The following MAN2B2 variants were observed in gnomAD, a reference collection of about 807,000 sequenced individuals.
The protein encoded by MAN2B2 is epididymis-specific alpha-mannosidase.
MAN2B2 carries 106 observed loss-of-function variants against 117.1 expected under a neutral mutation model. The observed-to-expected ratio is 0.90, with a 90% CI of 0.77 to 1.06. The LOEUF (loss-of-function observed/expected upper bound fraction) is 1.06, where lower values mean the gene tolerates loss of function less well. Ranked by LOEUF, MAN2B2 falls within the 50% of genes least tolerant of loss-of-function variation. The pLI is 0.00. For missense variants in MAN2B2, 1,326 were observed against 1,381.4 expected (o/e 0.96, Z 0.64); for synonymous variants, 544 against 595.1 (o/e 0.91, Z 1.25).
intron 13 of MAN2B2, among the ~76,000 whole-genome samples, chr4:6,610,344 A>C (rs949928148): frequency 2.0e-5 from 3 of 151,998 alleles, no homozygotes; most frequent in Non-Finnish European, 2.9e-5. Context: ...TTTAGTAGAG[A>C]TGGGGTTTCA....
At chr4:6,587,235 AC>A in intron 4 of MAN2B2, 67 bp downstream of exon 4, 1 of 1,561,654 alleles carries the variant, frequency 6.4e-7, no homozygotes, top group Non-Finnish European at 8.7e-7. Flanking sequence ...GAATCAGAGC[AC>A]GGTAGAAAGC....
intron 18 of MAN2B2, chr4:6,620,782 C>G (rs774805527): frequency 4.0e-5 from 7 of 174,894 alleles, no homozygotes; most frequent in Non-Finnish European, 7.2e-5. Context: ...AAGCCCAACC[C>G]CAGGGCATGC....
At chr4:6,600,381 C>T (rs539948074) in intron 9 of MAN2B2, among the ~76,000 whole-genome samples, 3 of 152,320 alleles carry the variant, frequency 2.0e-5, no homozygotes, top group East Asian at 1.9e-4. Flanking sequence ...CAGGGCGACA[C>T]GGACACCTTA....
Position 6,593,192 on chromosome 4 carries a change from G to A in MAN2B2, c.700G>A (p.Gly234Ser). The part of the protein sequence containing the change: ...FSNRSGFYWN[G>S]VAVFPKPPQD... Reference sequence around the variant, plus strand: ...GCACAGGTCAGGATTTTACTGGAATGGCGTGGCTGTCTTCCCCAAGCCTCC... The same window carrying A: ...GCACAGGTCAGGATTTTACTGGAATAGCGTGGCTGTCTTCCCCAAGCCTCC... The change falls in exon 6 of 19, where the codon GGC (glycine) becomes AGC (serine). Residue 234 changes from glycine to serine, a missense_variant. Physicochemically the swap from Gly to Ser is moderately conservative, Grantham distance 56. Coordinates refer to ENST00000285599, the MANE Select transcript of MAN2B2 (RefSeq NM_015274.3). The A allele has an allele frequency of 6.2e-7, 1 of 1,613,842 alleles. No homozygotes were observed. The highest frequency in any genetic ancestry group is 2.2e-5 in the East Asian group (1 of 44,856).
Position 6,598,235 on chromosome 4 carries a change from C to T in MAN2B2, c.1286C>T (p.Pro429Leu). 3 of 1,613,750 alleles carry T rather than the reference C, an allele frequency of 1.9e-6. No homozygotes were observed. Among genetic ancestry groups the T allele is most frequent in the Non-Finnish European group, 2.5e-6 (3 of 1,180,026 alleles). The stretch of plus-strand genomic sequence containing the variant: ...GATGCCATCACTGGGACTGAGTCCC[C>T]CAAGGTGAGAGACATGTACGCAACG... The part of the protein sequence containing the change: ...HHDAITGTES[P>L]KVRDMYATHL... The change falls in exon 9 of 19, where the codon CCC (proline) becomes CTC (leucine). Residue 429 changes from proline to leucine, a missense_variant. Coordinates refer to ENST00000285599, the MANE Select transcript of MAN2B2 (RefSeq NM_015274.3).
intron 4 of MAN2B2, among the ~76,000 whole-genome samples, chr4:6,588,264 G>C (rs1018978455): frequency 6.6e-6 from 1 of 152,186 alleles, no homozygotes; most frequent in Non-Finnish European, 1.5e-5. Flanking sequence ...GCTGCTCCAG[G>C]CCTCTCTCCT....
intron 3 of MAN2B2, among the ~76,000 whole-genome samples, chr4:6,580,211 TGATGGACA>T (rs1726374420): frequency 6.6e-6 from 1 of 152,194 alleles, no homozygotes; most frequent in Non-Finnish European, 1.5e-5. Flanking sequence ...GAAGGAGGCG[TGATGGACA>T]CAGCCCTACA....
At chr4:6,585,506 T>A (rs1474768201) in intron 3 of MAN2B2, among the ~76,000 whole-genome samples, 1 of 152,246 alleles carries the variant, frequency 6.6e-6, no homozygotes, top group African/African-American at 2.4e-5. Context: ...AATATCTGGT[T>A]CACTATGGTG....
Position 6,576,438 on chromosome 4 carries a change from A to G in MAN2B2, c.139-140A>G, listed in dbSNP as rs1416038926. On this transcript the variant is annotated intron_variant, in intron 1 of 18. Coordinates refer to ENST00000285599, the MANE Select transcript of MAN2B2 (RefSeq NM_015274.3). ...GAGCCTGGTATGGAGCGAGTGCCTA[A>G]TAGCTGTGTGGGGGGTGAGCAGCAG... 10 of 973,420 alleles carry G rather than the reference A, an allele frequency of 1.0e-5. No homozygotes were observed. In the Admixed American group the frequency reaches 2.1e-4, roughly 21 times the overall value. The allele number at this position is 973,420 out of a possible 1,614,324, so 60.3% of individuals were successfully genotyped here. A position where few individuals can be genotyped will look rare whatever the true frequency, so the allele number is the denominator to read the frequency against.
rs753364814 is a variant in MAN2B2, at chr4:6,587,132, C to T, written c.528C>T (p.Ile176=). Residue 176 remains isoleucine (I), a synonymous_variant, in exon 4 of 19, where the codon ATC becomes ATT. Coordinates refer to ENST00000285599, the MANE Select transcript of MAN2B2 (RefSeq NM_015274.3). Reference sequence around the variant, plus strand: ...TCAATGCCCACCTCGGCTCCCGGATCGACTACGACCTGAAGGCAGCCATGC... The same window carrying T: ...TCAATGCCCACCTCGGCTCCCGGATTGACTACGACCTGAAGGCAGCCATGC... ...AGFNAHLGSR[I]DYDLKAAMQE... is the part of the protein sequence containing the mutation. 6.2e-6 allele frequency: 10 copies of T among 1,613,544 alleles called. No individual in the cohort carries two copies. Among genetic ancestry groups the T allele is most frequent in the Non-Finnish European group, 7.6e-6 (9 of 1,179,940 alleles).
intron 8 of MAN2B2, 103 bp downstream of exon 8, chr4:6,597,406 C>G (rs2108745861): frequency 8.1e-7 from 1 of 1,237,564 alleles, no homozygotes; most frequent in East Asian, 2.9e-5. Flanking sequence ...GCACTAGAGG[C>G]CCCACTTTAC....
chr4:6,584,035 C>T (rs1726542152), intron 3 of MAN2B2, among the ~76,000 whole-genome samples: 1 of 152,228 alleles, frequency 6.6e-6, no homozygotes, highest in Non-Finnish European at 1.5e-5. Context: ...CACCTGCATT[C>T]AATTAACATG....
intron 15 of MAN2B2, among the ~76,000 whole-genome samples, chr4:6,612,930 G>A (rs916263957): frequency 1.3e-5 from 2 of 152,224 alleles, no homozygotes; most frequent in African/African-American, 4.8e-5. Flanking sequence ...GGCTGTCCTT[G>A]TTCGTCTCTC....
chr4:6,614,296 G>A lies in MAN2B2; in HGVS notation c.2642G>A (p.Ser881Asn), dbSNP rs772040309. ...CCGAATCTTCACCTGCAGATCCTGA[G>A]CATCCCTGGCTGGCGCTACAGCTCC... is the stretch of plus-strand genomic sequence containing the variant. ...LPPNLHLQIL[S>N]IPGWRYSSNH... Residue 881 changes from serine to asparagine, a missense_variant, in exon 16 of 19, where the codon AGC becomes AAC. Physicochemically the swap from Ser to Asn is conservative, Grantham distance 46. Transcript: ENST00000285599. The A allele has an allele frequency of 3.1e-6, 5 of 1,614,148 alleles. No individual in the cohort carries two copies. Among genetic ancestry groups the A allele is most frequent in the Non-Finnish European group, 3.4e-6 (4 of 1,180,004 alleles).
chr4:6,594,127 G>A (rs1422393651), intron 6 of MAN2B2, among the ~76,000 whole-genome samples: 1 of 152,078 alleles, frequency 6.6e-6, no homozygotes, highest in Non-Finnish European at 1.5e-5. Flanking sequence ...ATTTGGATAA[G>A]TAGTAACACT....
chr4:6,575,555 G>A (rs960443547), intron 1 of MAN2B2, among the ~76,000 whole-genome samples: 1 of 152,240 alleles, frequency 6.6e-6, no homozygotes, highest in Non-Finnish European at 1.5e-5. Context: ...CCCTTCTGGA[G>A]GGTGGTGCAG....
intron 18 of MAN2B2, chr4:6,620,259 G>A (rs539707083): frequency 6.4e-5 from 33 of 517,980 alleles, no homozygotes; most frequent in South Asian, 1.8e-4. Context: ...CCACACAGGC[G>A]TGTGTGTGCA....
At chr4:6,580,197 A>G (rs568596310) in intron 3 of MAN2B2, among the ~76,000 whole-genome samples, 35 of 152,252 alleles carry the variant, frequency 2.3e-4, no homozygotes, top group Non-Finnish European at 4.1e-4. Flanking sequence ...TTGCCCTTCC[A>G]TGAGAAGGAG....
At chr4:6,577,458 AG>A (rs971211610) in intron 2 of MAN2B2, among the ~76,000 whole-genome samples, 2 of 152,194 alleles carry the variant, frequency 1.3e-5, no homozygotes, top group African/African-American at 2.4e-5. Flanking sequence ...AGTGAAGCGG[AG>A]AAGGGAGAGC....
Sources: allele counts gnomAD v4.1 joint callset (sites outside exome capture counted in the v4.1 genomes callset), GRCh38; gene constraint gnomAD v4.1.1; transcripts MANE v1.5; gene names NCBI Gene and HGNC (gene_info 2026-07-23, HGNC 2026-07-21).